Variants in EEF1A2 observed in about 807,000 individuals in gnomAD.
The protein encoded by EEF1A2 is eukaryotic translation elongation factor 1 alpha 2, also known as elongation factor 1-alpha 2.
In EEF1A2, 5 loss-of-function variants were observed where a neutral mutation model predicts 39.3. The ratio of observed to expected loss-of-function variants is 0.13; its 90% CI spans 0.07 to 0.27. The LOEUF (loss-of-function observed/expected upper bound fraction) is 0.27, where lower values mean the gene tolerates loss of function less well. Among genes scored for constraint, EEF1A2 ranks in the 10% least tolerant of loss-of-function variants. The pLI is 1.00. For synonymous variants in EEF1A2, 287 were observed against 293.7 expected (o/e 0.98, Z 0.23); for missense variants, 218 against 681.4 (o/e 0.32, Z 7.57).
intron 5 of EEF1A2, among the ~76,000 whole-genome samples, chr20:63,492,456 G>T (rs1381216408): frequency 6.6e-6 from 1 of 151,100 alleles, no homozygotes. Flanking sequence ...ATGGATGGAT[G>T]GATGGATGGA....
chr20:63,497,724 C>T lies in EEF1A2; in HGVS notation c.40G>A (p.Gly14Ser), dbSNP rs750037735. The T allele has an allele frequency of 6.2e-7, 1 of 1,612,996 alleles. No individual in the cohort carries two copies. Among genetic ancestry groups the T allele is most frequent in the Middle Eastern group, 1.7e-4 (1 of 6,058 alleles). ...EKTHINIVVI[G>S]HVDSGKSTTT... is the part of the protein sequence containing the mutation. ...GTGGACTTTCCGGAGTCCACGTGGC[C>T]GATGACCACGATGTTGATGTGGGTC... Residue 14 changes from glycine (G) to serine (S), a missense_variant, in exon 2 of 8, where the codon GGC becomes AGC. Gly to Ser is a moderately conservative substitution (Grantham distance 56, BLOSUM62 0). Coordinates refer to ENST00000217182, the MANE Select transcript of EEF1A2 (RefSeq NM_001958.5). This position sits in a 1 kb window ranked among gnomAD's most constrained non-coding sequence, Gnocchi z 7.3.
Position 63,497,537 on chromosome 20 carries a change from G to A in EEF1A2, c.144+83C>T. 1 of 1,544,996 alleles carries A rather than the reference G, an allele frequency of 6.5e-7. No individual in the cohort carries two copies. Among genetic ancestry groups the A allele is most frequent in the Non-Finnish European group, 8.7e-7 (1 of 1,144,014 alleles). On this transcript the variant is annotated intron_variant, in intron 2 of 7. Coordinates refer to ENST00000217182, the MANE Select transcript of EEF1A2 (RefSeq NM_001958.5). The surrounding 1 kb of genome is among the most constrained non-coding windows in gnomAD (Gnocchi z 7.3). ...GAGGTCACCTGAGCCCCATGCCCTGGGGCTGGGAGATGCCAAGCCTGGCCA... is the reference window on the plus strand; with the variant it reads ...GAGGTCACCTGAGCCCCATGCCCTGAGGCTGGGAGATGCCAAGCCTGGCCA...
rs1200499512 is a variant in EEF1A2, at chr20:63,495,829, C to G, written c.324+27G>C. The G allele has an allele frequency of 3.7e-6, 6 of 1,609,720 alleles. No homozygotes were observed. In the Admixed American group the frequency reaches 1.0e-4, roughly 27 times the overall value. ...TTGAAGGGTGCAGCGGCCTCTCCCC[C>G]AGCCCCGCCTGCTGTGCCCTGCTCA... On this transcript the variant is annotated intron_variant, in intron 3 of 7. Coordinates refer to ENST00000217182, the MANE Select transcript of EEF1A2 (RefSeq NM_001958.5).
At chr20:63,495,654 C>T (rs1274112195) in intron 3 of EEF1A2, among the ~76,000 whole-genome samples, 2 of 152,196 alleles carry the variant, frequency 1.3e-5, no homozygotes, top group African/African-American at 4.8e-5. Context: ...CCTTCACAGG[C>T]ACTGGTTCAG....
Position 63,497,728 on chromosome 20 carries a change from G to A in EEF1A2, c.36C>T (p.Val12=). ...ACTTTCCGGAGTCCACGTGGCCGAT[G>A]ACCACGATGTTGATGTGGGTCTTCT... The part of the protein sequence containing the change: ...GKEKTHINIV[V]IGHVDSGKST... Residue 12 remains valine, a synonymous_variant, in exon 2 of 8, where the codon GTC becomes GTT. Transcript: ENST00000217182. This position sits in a 1 kb window ranked among gnomAD's most constrained non-coding sequence, Gnocchi z 7.3. 1.2e-6 allele frequency: 2 copies of A among 1,613,058 alleles called. No homozygotes were observed. Among genetic ancestry groups the A allele is most frequent in the Non-Finnish European group, 8.5e-7 (1 of 1,179,860 alleles).
At chr20:63,492,829 AATGG>A (rs55637832) in intron 5 of EEF1A2, among the ~76,000 whole-genome samples, 12 of 62,538 alleles carry the variant, frequency 1.9e-4, no homozygotes, top group African/African-American at 1.1e-3. Context: ...TGGATGGGAC[AATGG>A]ATGGATGGAT....
In EEF1A2 at chr20:63,498,264, AC is replaced by A. The variant is rs2082427465; in HGVS notation, c.-71-431del. 1 of 151,094 alleles carries A rather than the reference AC, an allele frequency of 6.6e-6. No homozygotes were observed. Among genetic ancestry groups the A allele is most frequent in the African/African-American group, 2.4e-5 (1 of 40,826 alleles). The allele number at this position is 151,094 out of a possible 1,614,324, so 9.4% of individuals were successfully genotyped here. On this transcript the variant is annotated intron_variant, in intron 1 of 7. Coordinates refer to ENST00000217182, the MANE Select transcript of EEF1A2 (RefSeq NM_001958.5). This position sits in a 1 kb window ranked among gnomAD's most constrained non-coding sequence, Gnocchi z 4.1. ...GCCAGGGACACGGCGCCCCACCCCC[AC>A]CCGCTGCCACCGGGGAGAGATGGCC...
At chr20:63,488,673 C>T (rs1324002538) in intron 7 of EEF1A2, among the ~76,000 whole-genome samples, 2 of 152,228 alleles carry the variant, frequency 1.3e-5, no homozygotes, top group East Asian at 3.8e-4. Flanking sequence ...GGGCCTTCCT[C>T]ACTCGCGGGG....
chr20:63,496,248 C>A (rs902931111), intron 2 of EEF1A2: 7 of 596,638 alleles, frequency 1.2e-5, no homozygotes, highest in Non-Finnish European at 2.0e-5. Flanking sequence ...GCACCTGCTC[C>A]GAAATGGGCG....
intron 5 of EEF1A2, among the ~76,000 whole-genome samples, chr20:63,491,148 G>A (rs1007264452): frequency 3.3e-5 from 5 of 152,174 alleles, no homozygotes; most frequent in Non-Finnish European, 7.4e-5. Flanking sequence ...GAGTGTGGGC[G>A]GGGCGACTGA....
chr20:63,488,296 C>T lies in EEF1A2; in HGVS notation c.*2G>A. 1 of 1,332,466 alleles carries T rather than the reference C, an allele frequency of 7.5e-7. No individual in the cohort carries two copies. Among genetic ancestry groups the T allele is most frequent in the South Asian group, 1.5e-5 (1 of 64,950 alleles). The allele number at this position is 1,332,466 out of a possible 1,614,324, so 82.5% of individuals were successfully genotyped here. A position where few individuals can be genotyped will look rare whatever the true frequency, so the allele number is the denominator to read the frequency against. Reference sequence around the variant, plus strand: ...GAGGGTCGCGCCGCGGGCGCCCGCGCTTCACTTGCCCGCCTTCTGCGCCTT... The same window carrying T: ...GAGGGTCGCGCCGCGGGCGCCCGCGTTTCACTTGCCCGCCTTCTGCGCCTT... On this transcript the variant is annotated 3_prime_UTR_variant, in exon 8 of 8. Transcript: ENST00000217182.
At chr20:63,492,958 T>G in intron 5 of EEF1A2, among the ~76,000 whole-genome samples, 179 bp downstream of exon 5, 1 of 146,708 alleles carries the variant, frequency 6.8e-6, no homozygotes, top group Admixed American at 6.8e-5. Flanking sequence ...GGACAGAGGA[T>G]GGATGGGTGG....
At chr20:63,492,998 G>T in intron 5 of EEF1A2, 139 bp downstream of exon 5, 1 of 1,195,652 alleles carries the variant, frequency 8.4e-7, no homozygotes, top group Non-Finnish European at 1.1e-6. Flanking sequence ...GATGGATGTG[G>T]GATGGACTGT....
intron 5 of EEF1A2, among the ~76,000 whole-genome samples, chr20:63,492,880 G>C (rs2082397167): frequency 6.6e-6 from 1 of 150,390 alleles, no homozygotes. Context: ...GGAGATGGAT[G>C]GATCGATGGA....
chr20:63,494,692 T>G, intron 4 of EEF1A2, 113 bp downstream of exon 4: 1 of 1,393,842 alleles, frequency 7.2e-7, no homozygotes, highest in Non-Finnish European at 9.5e-7. Context: ...GAGGGGAACC[T>G]GCATTTCCCG....
chr20:63,488,841 A>G (rs2082365484), intron 7 of EEF1A2, 77 bp downstream of exon 7: 5 of 1,494,054 alleles, frequency 3.3e-6, no homozygotes, highest in Non-Finnish European at 4.5e-6. Context: ...CCAGCGCCCC[A>G]TCCCCGCAGT....
chr20:63,488,291 C>CCG lies in EEF1A2; in HGVS notation c.*5_*6dup. 7.7e-7 allele frequency: 1 copy of CCG among 1,297,462 alleles called. No homozygotes were observed. Among genetic ancestry groups the CCG allele is most frequent in the Non-Finnish European group, 9.9e-7 (1 of 1,007,900 alleles). 80.4% of individuals were successfully genotyped at this position (1,297,462 alleles called of 1,614,324 possible). A position where few individuals can be genotyped will look rare whatever the true frequency, so the allele number is the denominator to read the frequency against. ...CCGGGGAGGGTCGCGCCGCGGGCGC[C>CCG]CGCGCTTCACTTGCCCGCCTTCTGC... On this transcript the variant is annotated 3_prime_UTR_variant, in exon 8 of 8. Transcript: ENST00000217182.
Position 63,496,308 on chromosome 20 carries a change from G to T in EEF1A2, c.145-273C>A, listed in dbSNP as rs533980305. 179 of 497,382 alleles carry T rather than the reference G, an allele frequency of 3.6e-4. No individual in the cohort carries two copies. In the South Asian group the frequency reaches 4.4e-3, roughly 12 times the overall value. 30.8% of individuals were successfully genotyped at this position (497,382 alleles called of 1,614,324 possible). ...TGGCGCAAGGGCCTGGGAGTCGCTC[G>T]CTCTACGAGCGAAGCCGCCAGATGG... is the stretch of plus-strand genomic sequence containing the variant. On this transcript the variant is annotated intron_variant, in intron 2 of 7. Coordinates refer to ENST00000217182, the MANE Select transcript of EEF1A2 (RefSeq NM_001958.5).
chr20:63,490,758 G>A (rs967186969), intron 5 of EEF1A2, 23 bp from the exon 6 acceptor site: 7 of 1,580,294 alleles, frequency 4.4e-6, no homozygotes, highest in African/African-American at 1.3e-5. Context: ...GGGGGTGTGA[G>A]GGGAAGGTGG....
Sources: gnomAD v4.1 joint callset for allele counts (sites outside exome capture counted in the v4.1 genomes callset) on GRCh38, gnomAD v4.1.1 for gene constraint, Gnocchi (gnomAD v3.1) non-coding constraint, MANE v1.5 for transcripts, NCBI Gene and HGNC (gene_info 2026-07-23, HGNC 2026-07-21) for gene names.